The following APOOL variants were observed in gnomAD, a reference collection of about 807,000 sequenced individuals.
The protein encoded by APOOL is MICOS complex subunit MIC27.
APOOL carries 12 observed loss-of-function variants against 23.1 expected under a neutral mutation model. That is an observed-to-expected ratio of 0.52 (90% CI 0.33 to 0.84). The LOEUF is 0.84. APOOL is among the 40% of genes least tolerant of loss of function. The probability of loss-of-function intolerance (pLI) is 0.02; values close to 1 mark genes in which losing one functional copy is unlikely to be tolerated. For missense variants in APOOL, 212 were observed against 199.6 expected, an observed-to-expected ratio of 1.06 and a Z score of -0.37; for synonymous variants, 77 against 69.9, an observed-to-expected ratio of 1.10 and a Z score of -0.51.
chrX:85,077,008 T>TAC (rs1413080633), intron 8 of APOOL, among the ~76,000 whole-genome samples: 1 of 98,959 alleles, frequency 1.0e-5, no homozygotes, highest in Admixed American at 1.1e-4. Context: ...TATATATATA[T>TAC]ATATATATAC....
chrX:85,039,737 A>G (rs1162841815), intron 1 of APOOL, among the ~76,000 whole-genome samples: 2 of 110,923 alleles, frequency 1.8e-5, no homozygotes, highest in Non-Finnish European at 3.8e-5. Flanking sequence ...CCTTTTTCAT[A>G]TTGTGTTTCC....
intron 1 of APOOL, among the ~76,000 whole-genome samples, chrX:85,028,311 A>G (rs1779480049): frequency 8.9e-6 from 1 of 111,823 alleles, no homozygotes; most frequent in African/African-American, 3.3e-5. Flanking sequence ...TTGAAAGCCA[A>G]TAATGGCTAT....
At chrX:85,068,464 G>A (rs765101401) in intron 6 of APOOL, among the ~76,000 whole-genome samples, 1 of 99,272 alleles carries the variant, frequency 1.0e-5, no homozygotes, top group Non-Finnish European at 2.0e-5. Context: ...GGAGTGCAAT[G>A]GCCCAATCTT....
chrX:85,039,124 A>C (rs1199829899), intron 1 of APOOL, among the ~76,000 whole-genome samples: 5 of 110,976 alleles, frequency 4.5e-5, no homozygotes, highest in African/African-American at 1.6e-4. Flanking sequence ...ATTAGTTTCA[A>C]ATCATTTTTT....
chrX:85,038,227 C>T (rs1184166928), intron 1 of APOOL, among the ~76,000 whole-genome samples: 2 of 111,729 alleles, frequency 1.8e-5, no homozygotes, highest in Non-Finnish European at 3.8e-5. Flanking sequence ...TTAAAGCCTT[C>T]TTGGTCGTGG....
chrX:85,068,652 C>T (rs1029896303), intron 6 of APOOL, among the ~76,000 whole-genome samples: 15 of 110,706 alleles, frequency 1.4e-4, no homozygotes, highest in African/African-American at 4.6e-4. Context: ...GTGATCCATC[C>T]GCCTCGGCCT....
At chrX:85,028,989 A>G (rs185747348) in intron 1 of APOOL, among the ~76,000 whole-genome samples, 11 of 111,697 alleles carry the variant, frequency 9.8e-5, no homozygotes, top group African/African-American at 3.6e-4. Context: ...CATTGCTGCA[A>G]CAAACAGAGT....
rs182986217 is a variant in APOOL, at chrX:85,046,518, G to A, written c.88G>A (p.Glu30Lys). The A allele has an allele frequency of 4.2e-5, 51 of 1,206,985 alleles. No homozygotes were observed. In the African/African-American group the frequency reaches 5.1e-4, roughly 12 times the overall value. ...SVSVHAAKQE[E>K]SKKQLVKPEQ... Reference sequence around the variant, plus strand: ...AAGTGTACATGCAGCCAAACAAGAGGAATCCAAAAAGCAGCTAGTGAAACC... The same window carrying A: ...AAGTGTACATGCAGCCAAACAAGAGAAATCCAAAAAGCAGCTAGTGAAACC... Residue 30 changes from glutamate (E) to lysine (K), a missense_variant, in exon 2 of 9, where the codon GAA becomes AAA. Glu to Lys is a moderately conservative substitution (Grantham distance 56). Coordinates refer to ENST00000373173, the MANE Select transcript of APOOL (RefSeq NM_198450.6).
chrX:85,084,522 GTTT>G (rs1047695527), intron 8 of APOOL, among the ~76,000 whole-genome samples: 1 of 104,124 alleles, frequency 9.6e-6, no homozygotes, highest in Non-Finnish European at 2.0e-5. Context: ...TTACTTGAGG[GTTT>G]TTTTTTTTCT....
rs930750091 is a variant in APOOL, at chrX:85,091,451, A to G, written c.*3773A>G. On this transcript the variant is annotated 3_prime_UTR_variant, in exon 9 of 9. Transcript: ENST00000373173. ...ACTTTACACAATTTATGTAATTAATATTTTCTCACAGACAAGGTTCCTTGT... is the reference window on the plus strand; with the variant it reads ...ACTTTACACAATTTATGTAATTAATGTTTTCTCACAGACAAGGTTCCTTGT... The G allele has an allele frequency of 4.5e-5, 5 of 111,622 alleles. No homozygotes were observed. Among genetic ancestry groups the G allele is most frequent in the Non-Finnish European group, 7.5e-5 (4 of 53,171 alleles). The allele number at this position is 111,622 out of a possible 1,213,427, so 9.2% of individuals were successfully genotyped here. A position where few individuals can be genotyped will look rare whatever the true frequency, so the allele number is the denominator to read the frequency against.
chrX:85,051,365 G>A lies in APOOL; in HGVS notation c.121-24G>A, dbSNP rs760684038. ...GACAGTCCAGCTATTTTATGTTTTT[G>A]ACATGAACATTTTTTGCCTGTAGCT... On this transcript the variant is annotated intron_variant, in intron 2 of 8. Coordinates refer to ENST00000373173, the MANE Select transcript of APOOL (RefSeq NM_198450.6). 7 of 1,205,244 alleles carry A rather than the reference G, an allele frequency of 5.8e-6. No homozygotes were observed. The South Asian group carries it at 1.1e-4, about 18-fold the overall frequency.
chrX:85,050,338 G>A (rs757260453), intron 2 of APOOL, among the ~76,000 whole-genome samples: 1 of 111,291 alleles, frequency 9.0e-6, no homozygotes, highest in Non-Finnish European at 1.9e-5. Flanking sequence ...ATACATTGTG[G>A]AATGACTAAA....
intron 1 of APOOL, among the ~76,000 whole-genome samples, chrX:85,006,998 C>A (rs914750841): frequency 1.8e-5 from 2 of 110,545 alleles, no homozygotes; most frequent in Non-Finnish European, 3.8e-5. Context: ...CAGAGTTGGT[C>A]GAGATAGAAG....
chrX:85,092,392 C>T lies in APOOL; in HGVS notation c.*4714C>T, dbSNP rs1924546087. 8.6e-7 allele frequency: 1 copy of T among 1,161,531 alleles called. No individual in the cohort carries two copies. The highest frequency in any genetic ancestry group is 1.8e-5 in the African/African-American group (1 of 55,397). On this transcript the variant is annotated 3_prime_UTR_variant, in exon 9 of 9. Coordinates refer to ENST00000373173, the MANE Select transcript of APOOL (RefSeq NM_198450.6). The stretch of plus-strand genomic sequence containing the variant: ...GGATGAGTTGTTACAAAGCCTCTTT[C>T]ATTCTTCCCATGCCATGTCCAGGAG...
At chrX:85,059,504 A>C (rs767250248) in intron 5 of APOOL, among the ~76,000 whole-genome samples, 21 of 109,701 alleles carry the variant, frequency 1.9e-4, no homozygotes, top group African/African-American at 6.0e-4. Flanking sequence ...ACAGTGTAAA[A>C]GTGTTCCTAT....
At chrX:85,009,707 A>G (rs1169789733) in intron 1 of APOOL, among the ~76,000 whole-genome samples, 1 of 110,745 alleles carries the variant, frequency 9.0e-6, no homozygotes, top group Non-Finnish European at 1.9e-5. Flanking sequence ...AACTCGTATC[A>G]TGGGCATTTG....
intron 2 of APOOL, among the ~76,000 whole-genome samples, chrX:85,048,999 C>T (rs965663332): frequency 2.7e-5 from 3 of 110,905 alleles, no homozygotes; most frequent in Admixed American, 9.7e-5. Context: ...CTAGACATCC[C>T]TGGACATTTC....
intron 8 of APOOL, among the ~76,000 whole-genome samples, chrX:85,084,689 A>G (rs1252584864): frequency 1.8e-5 from 2 of 111,587 alleles, no homozygotes; most frequent in Non-Finnish European, 3.8e-5. Context: ...TGAATAAATT[A>G]AAATCTTGAA....
intron 1 of APOOL, among the ~76,000 whole-genome samples, chrX:85,019,915 G>A (rs764372025): frequency 2.7e-5 from 3 of 112,042 alleles, no homozygotes; most frequent in Admixed American, 1.9e-4. Flanking sequence ...AAACAGCAGT[G>A]ATAGCTGTGA....
Sources: gnomAD v4.1 joint callset for allele counts (sites outside exome capture counted in the v4.1 genomes callset) on GRCh38, gnomAD v4.1.1 for gene constraint, MANE v1.5 for transcripts, NCBI Gene and HGNC (gene_info 2026-07-23, HGNC 2026-07-21) for gene names.